Variants in SLC30A8 observed in about 807,000 individuals in gnomAD.
SLC30A8 encodes the protein proton-coupled zinc antiporter SLC30A8.
In SLC30A8, 27 loss-of-function variants were observed where a neutral mutation model predicts 36.9. The ratio of observed to expected loss-of-function variants is 0.73; its 90% CI spans 0.54 to 1.01. The LOEUF is 1.01. Among genes scored for constraint, SLC30A8 ranks in the 50% least tolerant of loss-of-function variants. The pLI, the probability that SLC30A8 is intolerant of heterozygous loss-of-function variation, is 0.00. For synonymous variants in SLC30A8, 164 were observed against 172.4 expected, an observed-to-expected ratio of 0.95 and a Z score of 0.38; for missense variants, 439 against 452.0, an observed-to-expected ratio of 0.97 and a Z score of 0.26.
intron 2 of SLC30A8, among the ~76,000 whole-genome samples, chr8:117,091,339 ATAGTTTCCTGTACAGAATCTCTC>A (rs1243909691): frequency 3.3e-5 from 5 of 152,278 alleles, no homozygotes; most frequent in East Asian, 1.9e-4. Context: ...AGATGGGGAC[ATAGTTTCCTGTACAGAATCTCTC>A]TAGTTTCCTG....
chr8:117,143,665 A>AACACACACACACACACACACACACACAC (rs58613241), intron 1 of SLC30A8, among the ~76,000 whole-genome samples: 1 of 146,190 alleles, frequency 6.8e-6, no homozygotes, highest in Non-Finnish European at 1.5e-5. Context: ...TCTCCCATAA[A>AACACACACACACACACACACACACACAC]ACACACACAC....
intron 1 of SLC30A8, among the ~76,000 whole-genome samples, chr8:117,013,309 A>G (rs979344237): frequency 3.9e-5 from 6 of 152,164 alleles, no homozygotes. Context: ...TTCCTCTGTT[A>G]TCTGTCTCTA....
chr8:116,993,884 A>G (rs1815729906), intron 1 of SLC30A8, among the ~76,000 whole-genome samples: 1 of 152,012 alleles, frequency 6.6e-6, no homozygotes, highest in Admixed American at 6.6e-5. Context: ...TATTATAAAA[A>G]GTTATACCAA....
At chr8:117,129,440 G>GAA in intron 2 of SLC30A8, among the ~76,000 whole-genome samples, 1 of 151,982 alleles carries the variant, frequency 6.6e-6, no homozygotes, top group East Asian at 1.9e-4. Context: ...TTTAATCATA[G>GAA]AATTGATTTC....
upstream of SLC30A8, among the ~76,000 whole-genome samples, chr8:117,130,600 T>C (rs1821088842): frequency 1.3e-5 from 2 of 151,976 alleles, no homozygotes; most frequent in African/African-American, 4.8e-5. Context: ...GACCAAGGGG[T>C]TGGAATATTA....
At chr8:117,096,199 C>A (rs1203689871) in intron 2 of SLC30A8, among the ~76,000 whole-genome samples, 1 of 152,120 alleles carries the variant, frequency 6.6e-6, no homozygotes, top group Non-Finnish European at 1.5e-5. Flanking sequence ...AAGGAGAACT[C>A]GTTTTCTCTG....
chr8:117,098,878 A>G (rs754027011), intron 2 of SLC30A8, among the ~76,000 whole-genome samples: 18 of 152,158 alleles, frequency 1.2e-4, no homozygotes, highest in Non-Finnish European at 2.4e-4. Flanking sequence ...GTGATAACAT[A>G]TAATGCTTTT....
At chr8:117,132,762 A>T (rs1003824646), upstream of SLC30A8, among the ~76,000 whole-genome samples, 4 of 152,038 alleles carry the variant, frequency 2.6e-5, no homozygotes, top group African/African-American at 9.7e-5. Context: ...GAGAGAGGGA[A>T]TGACGGTGCA....
chr8:117,157,147 TAGTC>T lies in SLC30A8; in HGVS notation c.419-541_419-538del, dbSNP rs967763262. ...TGCTCTTAAAATGCAGTCAGAGTGTTAGTCAGCCTCTGAGCTCACCTCTGTGTTT... is the reference window on the plus strand; with the variant it reads ...TGCTCTTAAAATGCAGTCAGAGTGTTAGCCTCTGAGCTCACCTCTGTGTTT... On this transcript the variant is annotated intron_variant, in intron 3 of 7. Transcript: ENST00000456015. 5.0e-4 allele frequency among the ~76,000 whole-genome samples: 76 copies of T among 152,330 alleles called. 1 individual carries two copies. The highest frequency in any genetic ancestry group is 3.5e-3 in the Admixed American group (53 of 15,302).
At chr8:117,026,544 A>G (rs1387458331) in intron 1 of SLC30A8, among the ~76,000 whole-genome samples, 1 of 152,192 alleles carries the variant, frequency 6.6e-6, no homozygotes, top group Non-Finnish European at 1.5e-5. Context: ...CCCATAGGGC[A>G]GAAGCAGGTT....
At chr8:116,977,011 G>T (rs1478271134) in intron 1 of SLC30A8, among the ~76,000 whole-genome samples, 1 of 150,732 alleles carries the variant, frequency 6.6e-6, no homozygotes. Flanking sequence ...TAGAGACAGG[G>T]TTTCACCATG....
At chr8:116,966,373 C>A (rs1488092922) in intron 1 of SLC30A8, among the ~76,000 whole-genome samples, 1 of 152,104 alleles carries the variant, frequency 6.6e-6, no homozygotes, top group African/African-American at 2.4e-5. Flanking sequence ...CTTGCTACTC[C>A]CTTTTCAGTT....
rs1200230108 is a variant in SLC30A8 at position 117,097,938 on chromosome 8, T to TTTAAATA, written c.-225-37342_-225-37341insTTAAATA. Among the ~76,000 whole-genome samples the TTTAAATA allele has an allele frequency of 9.7e-3, 1,081 of 111,468 alleles. 58 individuals are homozygous for TTTAAATA. The highest frequency in any genetic ancestry group is 0.033 in the African/African-American group (860 of 25,706). 73.1% of individuals were successfully genotyped at this position (111,468 alleles called of 152,430 possible). On this transcript the variant is annotated intron_variant, in intron 2 of 10. Transcript: ENST00000427715. The stretch of plus-strand genomic sequence containing the variant: ...TTTAAATAAATATATATATTATATA[T>TTTAAATA]AATATATAATTTTAAATAAATATAT...
chr8:116,991,771 A>G (rs1815653065), intron 1 of SLC30A8, among the ~76,000 whole-genome samples: 1 of 152,154 alleles, frequency 6.6e-6, no homozygotes, highest in Non-Finnish European at 1.5e-5. Flanking sequence ...GTACACATTC[A>G]TAATATTGGA....
intron 2 of SLC30A8, among the ~76,000 whole-genome samples, chr8:117,122,613 C>T (rs909166790): frequency 1.3e-5 from 2 of 151,904 alleles, no homozygotes; most frequent in African/African-American, 2.4e-5. Flanking sequence ...CTACTGTGGC[C>T]CCAGATGAAT....
intron 1 of SLC30A8, among the ~76,000 whole-genome samples, chr8:117,019,968 T>C (rs1300091901): frequency 1.3e-5 from 2 of 152,164 alleles, no homozygotes; most frequent in Admixed American, 1.3e-4. Flanking sequence ...TCAGATTTTA[T>C]TCTGAAGGCT....
chr8:117,029,643 C>T (rs1816972852), intron 1 of SLC30A8, among the ~76,000 whole-genome samples: 1 of 152,104 alleles, frequency 6.6e-6, no homozygotes, highest in Admixed American at 6.6e-5. Flanking sequence ...GCTAATAAAG[C>T]TATGTCTGTC....
chr8:116,994,910 T>G (rs1390846672), intron 1 of SLC30A8, among the ~76,000 whole-genome samples: 1 of 152,114 alleles, frequency 6.6e-6, no homozygotes, highest in East Asian at 1.9e-4. Flanking sequence ...TGCATCTGAT[T>G]ATGGAAGAAG....
chr8:116,976,485 A>G (rs1815016534), intron 1 of SLC30A8, among the ~76,000 whole-genome samples: 1 of 152,196 alleles, frequency 6.6e-6, no homozygotes, highest in South Asian at 2.1e-4. Flanking sequence ...AGCTGACAAA[A>G]GCCTGTGAAT....
Sources: allele counts gnomAD v4.1 joint callset (sites outside exome capture counted in the v4.1 genomes callset), GRCh38; gene constraint gnomAD v4.1.1; transcripts MANE v1.5; gene names NCBI Gene and HGNC (gene_info 2026-07-23, HGNC 2026-07-21).